The following POC1A variants were observed in gnomAD, a reference collection of about 807,000 sequenced individuals.
POC1A encodes POC1 centriolar protein A.
POC1A carries 34 observed loss-of-function variants against 47.8 expected under a neutral mutation model. The observed-to-expected ratio is 0.71, with a 90% CI of 0.54 to 0.95. The LOEUF is 0.95. Among genes scored for constraint, POC1A ranks in the 40% least tolerant of loss-of-function variants. The pLI, the probability that POC1A is intolerant of heterozygous loss-of-function variation, is 0.00. For missense variants in POC1A, 466 were observed against 528.3 expected (o/e 0.88, Z 1.16); for synonymous variants, 177 against 207.6 (o/e 0.85, Z 1.27).
Position 52,075,921 on chromosome 3 carries a change from T to C in POC1A, c.1190A>G (p.Asn397Ser). ...TEDKLKQCLE[N>S]QQLIMQRATP ...TGCTCTCTGCATGATTAGCTGCTGGTTCTCCAGACACTGCTTCAGCTTGTC... is the reference window on the plus strand; with the variant it reads ...TGCTCTCTGCATGATTAGCTGCTGGCTCTCCAGACACTGCTTCAGCTTGTC... The change falls in exon 11 of 11, where the codon AAC becomes AGC. Residue 397 changes from asparagine (N) to serine (S), a missense_variant. Asn to Ser is a conservative substitution (Grantham distance 46). Transcript: ENST00000296484. 6.2e-7 allele frequency: 1 copy of C among 1,614,030 alleles called. No individual in the cohort carries two copies. Among genetic ancestry groups the C allele is most frequent in the Non-Finnish European group, 8.5e-7 (1 of 1,179,882 alleles).
At chr3:52,107,486 T>G (rs1371130557) in intron 9 of POC1A, among the ~76,000 whole-genome samples, 1 of 152,220 alleles carries the variant, frequency 6.6e-6, no homozygotes, top group African/African-American at 2.4e-5. Flanking sequence ...TGTGGGAGCA[T>G]TCTCTCTCAA....
intron 10 of POC1A, among the ~76,000 whole-genome samples, chr3:52,085,336 C>A (rs1032535289): frequency 6.6e-6 from 1 of 152,246 alleles, no homozygotes. Flanking sequence ...CCCATCCTCA[C>A]ACCTAGGCTT....
intron 9 of POC1A, among the ~76,000 whole-genome samples, chr3:52,105,484 G>A (rs1703144937): frequency 6.6e-6 from 1 of 152,146 alleles, no homozygotes; most frequent in Non-Finnish European, 1.5e-5. Flanking sequence ...CCCTGGGGAG[G>A]GAAGCAGGGA....
rs750936337 is a variant in POC1A, at chr3:52,096,633, C to T, written c.1061G>A (p.Ser354Asn). 10 of 1,613,106 alleles carry T rather than the reference C, an allele frequency of 6.2e-6. No homozygotes were observed. The highest frequency in any genetic ancestry group is 3.3e-5 in the South Asian group (3 of 91,040). The change falls in exon 10 of 11, where the codon AGT (serine) becomes AAT (asparagine). Residue 354 changes from serine (S) to asparagine (N), a missense_variant. Physicochemically the swap from Ser to Asn is conservative, Grantham distance 46. Coordinates refer to ENST00000296484, the MANE Select transcript of POC1A (RefSeq NM_015426.5). ...CGTGCTAGTCAGTGTCTGGGGCACA[C>T]TCACGGGCTCCTGGGGCTGGCTCTG... Reference protein sequence around the residue: ...SVQSQPQEPVSVPQTLTSTLE... With the variant: ...SVQSQPQEPVNVPQTLTSTLE...
intron 7 of POC1A, among the ~76,000 whole-genome samples, chr3:52,128,899 T>C (rs552668193): frequency 9.8e-5 from 15 of 152,322 alleles, no homozygotes; most frequent in Admixed American, 2.0e-4. Context: ...AAGTTTCCAG[T>C]ATGCAACATT....
chr3:52,119,437 C>T (rs1441351002), intron 9 of POC1A, among the ~76,000 whole-genome samples: 2 of 151,734 alleles, frequency 1.3e-5, no homozygotes, highest in Non-Finnish European at 2.9e-5. Context: ...CTCTGTCATC[C>T]AAGCTGGAGT....
rs191729975 is a variant in POC1A, at chr3:52,112,783, C to T, written c.981+9596G>A. Among the ~76,000 whole-genome samples, 104 of 152,316 alleles carry T rather than the reference C, an allele frequency of 6.8e-4. 1 individual carries two copies. Among genetic ancestry groups the T allele is most frequent in the Admixed American group, 2.3e-3 (35 of 15,300 alleles). ...GATTGCCTCTCCCAAGCTGTACCCACGACGAGTCATAGAAACTTCGAAGAT... is the reference window on the plus strand; with the variant it reads ...GATTGCCTCTCCCAAGCTGTACCCATGACGAGTCATAGAAACTTCGAAGAT... On this transcript the variant is annotated intron_variant, in intron 9 of 10. Coordinates refer to ENST00000296484, the MANE Select transcript of POC1A (RefSeq NM_015426.5).
Position 52,145,834 on chromosome 3 carries a change from T to C in POC1A, c.679+12A>G, listed in dbSNP as rs1698342904. ...GGCTGCCCTTGGGCCCAGGAGGCTG[T>C]TCACCACTCACACTGATAATGCTGC... On this transcript the variant is annotated intron_variant, in intron 6 of 10. Transcript: ENST00000296484. 6.3e-7 allele frequency: 1 copy of C among 1,583,760 alleles called. No homozygotes were observed. The highest frequency in any genetic ancestry group is 8.7e-7 in the Non-Finnish European group (1 of 1,152,788).
chr3:52,110,496 T>C (rs951777279), intron 9 of POC1A, among the ~76,000 whole-genome samples: 2 of 152,130 alleles, frequency 1.3e-5, no homozygotes, highest in African/African-American at 2.4e-5. Flanking sequence ...CTTAAAAAAA[T>C]AGAATGAAAA....
chr3:52,132,883 A>G (rs1332632900), intron 7 of POC1A, among the ~76,000 whole-genome samples: 1 of 152,062 alleles, frequency 6.6e-6, no homozygotes, highest in African/African-American at 2.4e-5. Flanking sequence ...TGTCTCTACT[A>G]AAAACGCAAA....
chr3:52,101,022 C>T (rs139059537), intron 9 of POC1A, among the ~76,000 whole-genome samples: 2 of 151,058 alleles, frequency 1.3e-5, no homozygotes, highest in South Asian at 4.2e-4. Flanking sequence ...ACTTTTGAGA[C>T]CCAGGGAGAC....
chr3:52,096,347 G>C (rs770407864), intron 10 of POC1A, among the ~76,000 whole-genome samples: 1 of 152,266 alleles, frequency 6.6e-6, no homozygotes, highest in East Asian at 1.9e-4. Flanking sequence ...GTAGTACCCA[G>C]CATTGGGGAT....
intron 9 of POC1A, among the ~76,000 whole-genome samples, chr3:52,109,894 G>C (rs1438183108): frequency 6.6e-6 from 1 of 151,912 alleles, no homozygotes; most frequent in Non-Finnish European, 1.5e-5. Flanking sequence ...AACCACAAAG[G>C]GTTTTTTTCC....
At chr3:52,151,267 G>T in intron 1 of POC1A, 167 bp from the exon 2 acceptor site, 1 of 964,958 alleles carries the variant, frequency 1.0e-6, no homozygotes, top group African/African-American at 1.7e-5. Context: ...TTTTTACTAG[G>T]AATAGTTTTT....
At chr3:52,143,883 T>C (rs1698280122) in intron 6 of POC1A, among the ~76,000 whole-genome samples, 1 of 152,182 alleles carries the variant, frequency 6.6e-6, no homozygotes, top group Non-Finnish European at 1.5e-5. Flanking sequence ...GAGCCAGAGA[T>C]GGCATCCAAG....
At chr3:52,081,468 C>T (rs190145935) in intron 10 of POC1A, among the ~76,000 whole-genome samples, 10 of 152,282 alleles carry the variant, frequency 6.6e-5, no homozygotes, top group East Asian at 1.9e-4. Context: ...GCAGATGCCA[C>T]GCAGGCGCAT....
chr3:52,131,251 G>A (rs1402063213), intron 7 of POC1A, among the ~76,000 whole-genome samples: 1 of 152,090 alleles, frequency 6.6e-6, no homozygotes, highest in East Asian at 1.9e-4. Context: ...TGCCCCCCAC[G>A]CTTGCCACAC....
intron 6 of POC1A, 104 bp from the exon 7 acceptor site, chr3:52,138,406 T>C: frequency 1.7e-6 from 2 of 1,211,704 alleles, no homozygotes; most frequent in South Asian, 2.8e-5. Context: ...ACAGGCCTGA[T>C]GGGGCTGGGT....
chr3:52,152,628 C>T (rs1057090986), intron 1 of POC1A, among the ~76,000 whole-genome samples: 14 of 151,828 alleles, frequency 9.2e-5, no homozygotes, highest in Non-Finnish European at 1.2e-4. Context: ...AGTAGTTAAA[C>T]GTGGTTAGCA....
Sources: allele counts gnomAD v4.1 joint callset (sites outside exome capture counted in the v4.1 genomes callset), GRCh38; gene constraint gnomAD v4.1.1; transcripts MANE v1.5; gene names NCBI Gene and HGNC (gene_info 2026-07-23, HGNC 2026-07-21).